The following DRD2 variants were observed in gnomAD, a reference collection of about 807,000 sequenced individuals.
DRD2 encodes dopamine receptor D2, also known as D(2) dopamine receptor.
DRD2 carries 8 observed loss-of-function variants against 38.0 expected under a neutral mutation model. The ratio of observed to expected loss-of-function variants is 0.21; its 90% CI spans 0.12 to 0.38. The LOEUF is 0.38. DRD2 is among the 10% of genes least tolerant of loss of function. The pLI, the probability that DRD2 is intolerant of heterozygous loss-of-function variation, is 1.00. For missense variants in DRD2, 403 were observed against 607.7 expected, an observed-to-expected ratio of 0.66 and a Z score of 3.54; for synonymous variants, 230 against 238.6, an observed-to-expected ratio of 0.96 and a Z score of 0.33.
intron 1 of DRD2, among the ~76,000 whole-genome samples, chr11:113,429,287 C>A (rs143096974): frequency 6.6e-6 from 1 of 151,996 alleles, no homozygotes; most frequent in Admixed American, 6.6e-5. Context: ...CTCTGTCACC[C>A]GGGCTGGAGT....
chr11:113,438,850 T>C (rs1951061964), intron 1 of DRD2, among the ~76,000 whole-genome samples: 1 of 152,224 alleles, frequency 6.6e-6, no homozygotes, highest in African/African-American at 2.4e-5. Context: ...TCAGGTATCA[T>C]GCAATCATCA....
At chr11:113,457,296 A>G (rs530357545) in intron 1 of DRD2, among the ~76,000 whole-genome samples, 11 of 152,342 alleles carry the variant, frequency 7.2e-5, no homozygotes, top group Admixed American at 4.6e-4. Context: ...CACTTTACTC[A>G]GTAAATATCC....
chr11:113,432,739 T>C (rs1324463467), intron 1 of DRD2, among the ~76,000 whole-genome samples: 1 of 152,134 alleles, frequency 6.6e-6, no homozygotes, highest in Non-Finnish European at 1.5e-5. Context: ...CCTGGCGATA[T>C]AGGCCACCTG....
intron 1 of DRD2, among the ~76,000 whole-genome samples, chr11:113,453,200 A>G (rs1227442697): frequency 6.6e-6 from 1 of 152,180 alleles, no homozygotes; most frequent in Non-Finnish European, 1.5e-5. Context: ...CTAGGTTCAC[A>G]TCCTGGCTCC....
chr11:113,469,369 T>G (rs892534604), intron 1 of DRD2, among the ~76,000 whole-genome samples: 4 of 152,228 alleles, frequency 2.6e-5, no homozygotes, highest in African/African-American at 9.6e-5. Flanking sequence ...CCTGGTATCA[T>G]ACACAAAGAT....
chr11:113,421,328 G>T (rs1050708486), intron 2 of DRD2, among the ~76,000 whole-genome samples: 1 of 152,208 alleles, frequency 6.6e-6, no homozygotes, highest in East Asian at 1.9e-4. Flanking sequence ...TGCATCCCCA[G>T]CAGGTCAGTG....
intron 7 of DRD2, chr11:113,412,123 A>G (rs985762427): frequency 4.7e-5 from 11 of 234,332 alleles, no homozygotes; most frequent in African/African-American, 1.3e-4. Context: ...TGACACTTAC[A>G]TATGGATAGT....
intron 1 of DRD2, among the ~76,000 whole-genome samples, chr11:113,469,178 C>T (rs1414145441): frequency 1.3e-5 from 2 of 152,048 alleles, no homozygotes; most frequent in Admixed American, 1.3e-4. Flanking sequence ...ACCCTGCCTC[C>T]CTCCTGCTCC....
intron 1 of DRD2, among the ~76,000 whole-genome samples, chr11:113,464,490 T>C (rs116954475): frequency 2.1e-3 from 315 of 152,328 alleles, no homozygotes; most frequent in Non-Finnish European, 3.7e-3. Flanking sequence ...ACTAGCTCAC[T>C]GTCTTCAACT....
In DRD2 at chr11:113,415,158, C is replaced by T. The variant is rs371199296; in HGVS notation, c.723+263G>A. Reference sequence around the variant, plus strand: ...CACGGGGGTACCAAGCAAGAGTTGCCGCCTTCAGTCACAAAGATCTCCAAG... The same window carrying T: ...CACGGGGGTACCAAGCAAGAGTTGCTGCCTTCAGTCACAAAGATCTCCAAG... On this transcript the variant is annotated intron_variant, in intron 5 of 7. Coordinates refer to ENST00000362072, the MANE Select transcript of DRD2 (RefSeq NM_000795.4). 52 of 397,146 alleles carry T rather than the reference C, an allele frequency of 1.3e-4. No homozygotes were observed. The South Asian group carries it at 2.4e-3, about 19-fold the overall frequency. 24.6% of individuals were successfully genotyped at this position (397,146 alleles called of 1,614,324 possible).
At chr11:113,467,342 G>A (rs566926130) in intron 1 of DRD2, among the ~76,000 whole-genome samples, 28 of 152,238 alleles carry the variant, frequency 1.8e-4, no homozygotes, top group South Asian at 1.5e-3. Context: ...CAAGAAAAAG[G>A]CCAACAAGAG....
chr11:113,471,557 C>G (rs1428607845), intron 1 of DRD2, among the ~76,000 whole-genome samples: 4 of 152,162 alleles, frequency 2.6e-5, no homozygotes, highest in African/African-American at 7.2e-5. Flanking sequence ...TTGAATCAAC[C>G]TGTGTCCTTT....
At chr11:113,456,872 T>G (rs984846046) in intron 1 of DRD2, among the ~76,000 whole-genome samples, 4 of 152,154 alleles carry the variant, frequency 2.6e-5, no homozygotes, top group Admixed American at 2.0e-4. Flanking sequence ...ACGTCAAAAT[T>G]ATTAAGATGG....
intron 1 of DRD2, chr11:113,474,471 C>G (rs1448671638): frequency 1.3e-5 from 2 of 152,278 alleles, no homozygotes; most frequent in Admixed American, 6.5e-5. Flanking sequence ...TAGGTGTCAA[C>G]CCAAGAGAAG....
chr11:113,420,110 T>A (rs1950871859), intron 2 of DRD2, among the ~76,000 whole-genome samples: 1 of 152,194 alleles, frequency 6.6e-6, no homozygotes, highest in South Asian at 2.1e-4. Flanking sequence ...CTGATTTACA[T>A]CCCACTTTGA....
chr11:113,421,529 C>T (rs562104282), intron 2 of DRD2, among the ~76,000 whole-genome samples: 2 of 152,262 alleles, frequency 1.3e-5, no homozygotes, highest in East Asian at 3.9e-4. Context: ...ACATCAGGAA[C>T]TCTTCCAATA....
At chr11:113,437,329 A>C (rs528151715) in intron 1 of DRD2, among the ~76,000 whole-genome samples, 3 of 152,270 alleles carry the variant, frequency 2.0e-5, no homozygotes, top group African/African-American at 7.2e-5. Flanking sequence ...GGTACGAAGA[A>C]GTAAGGTTTT....
chr11:113,442,940 G>A lies in DRD2; in HGVS notation c.-31-18258C>T, dbSNP rs61902778. 4.5e-3 allele frequency among the ~76,000 whole-genome samples: 692 copies of A among 152,256 alleles called. 3 individuals carry two copies. Among genetic ancestry groups the A allele is most frequent in the Admixed American group, 6.8e-3 (104 of 15,284 alleles). Reference sequence around the variant, plus strand: ...GTGCTGGGCTCCCCGAGGGAAGGCTGGTTCTGTCCCCCTCTTTTCTTATCT... The same window carrying A: ...GTGCTGGGCTCCCCGAGGGAAGGCTAGTTCTGTCCCCCTCTTTTCTTATCT... On this transcript the variant is annotated intron_variant, in intron 1 of 7. Coordinates refer to ENST00000362072, the MANE Select transcript of DRD2 (RefSeq NM_000795.4).
intron 1 of DRD2, among the ~76,000 whole-genome samples, chr11:113,455,936 G>A (rs1321836770): frequency 1.3e-5 from 2 of 152,184 alleles, no homozygotes; most frequent in Non-Finnish European, 2.9e-5. Flanking sequence ...TTACATCTGG[G>A]TGTGTCTCCA....
Sources: gnomAD v4.1 joint callset for allele counts (sites outside exome capture counted in the v4.1 genomes callset) on GRCh38, gnomAD v4.1.1 for gene constraint, MANE v1.5 for transcripts, NCBI Gene and HGNC (gene_info 2026-07-23, HGNC 2026-07-21) for gene names.